The following FBXL17 variants were observed in gnomAD, a reference collection of about 807,000 sequenced individuals.
FBXL17 encodes the protein F-box/LRR-repeat protein 17.
In FBXL17, 22 loss-of-function variants were observed where a neutral mutation model predicts 66.2. That is an observed-to-expected ratio of 0.33 (90% CI 0.24 to 0.47). The LOEUF is 0.47. Among genes scored for constraint, FBXL17 ranks in the 20% least tolerant of loss-of-function variants. FBXL17 has a pLI of 1.00. For missense variants in FBXL17, 878 were observed against 948.2 expected (o/e 0.93, Z 0.97); for synonymous variants, 474 against 400.5 (o/e 1.18, Z -2.19).
intron 5 of FBXL17, among the ~76,000 whole-genome samples, chr5:108,189,320 ATGGGATGG>A (rs1753370549): frequency 7.3e-6 from 1 of 137,044 alleles, no homozygotes; most frequent in African/African-American, 2.6e-5. Context: ...ATGGGATGGG[ATGGGATGG>A]GATGGGATGG....
At chr5:108,328,722 G>C (rs941085904) in intron 4 of FBXL17, among the ~76,000 whole-genome samples, 3 of 151,882 alleles carry the variant, frequency 2.0e-5, no homozygotes, top group Middle Eastern at 3.4e-3. Flanking sequence ...ATGAGAACAA[G>C]GATTATTTGG....
At chr5:108,010,740 A>C (rs1173166257) in intron 7 of FBXL17, among the ~76,000 whole-genome samples, 1 of 152,222 alleles carries the variant, frequency 6.6e-6, no homozygotes, top group Non-Finnish European at 1.5e-5. Flanking sequence ...AGCTTCCACT[A>C]TCAAAAATAG....
chr5:108,289,186 TA>T (rs1758014780), intron 4 of FBXL17, among the ~76,000 whole-genome samples: 1 of 152,162 alleles, frequency 6.6e-6, no homozygotes, highest in Non-Finnish European at 1.5e-5. Flanking sequence ...TTAAATGATA[TA>T]ACACACACGA....
intron 7 of FBXL17, among the ~76,000 whole-genome samples, chr5:107,888,974 C>T (rs1318112525): frequency 6.6e-6 from 1 of 152,080 alleles, no homozygotes; most frequent in Non-Finnish European, 1.5e-5. Flanking sequence ...TGTAAGGTTC[C>T]AGTTTCCCTT....
At chr5:108,042,285 T>C (rs1580363130) in intron 6 of FBXL17, among the ~76,000 whole-genome samples, 1 of 152,278 alleles carries the variant, frequency 6.6e-6, no homozygotes, top group East Asian at 1.9e-4. Context: ...CCTTTCCCAG[T>C]TTCCACCATC....
chr5:108,154,642 CACACACAT>C (rs1297201614), intron 6 of FBXL17, among the ~76,000 whole-genome samples: 2 of 96,278 alleles, frequency 2.1e-5, no homozygotes, highest in South Asian at 5.1e-4. Flanking sequence ...CACACACACA[CACACACAT>C]ATATGTATAT....
At chr5:107,912,448 T>C (rs762741860) in intron 7 of FBXL17, among the ~76,000 whole-genome samples, 58 of 152,140 alleles carry the variant, frequency 3.8e-4, no homozygotes, top group East Asian at 5.8e-4. Context: ...AAATAAAACA[T>C]AGTATATTCA....
chr5:108,269,170 T>C (rs973914470), intron 4 of FBXL17, among the ~76,000 whole-genome samples: 6 of 152,136 alleles, frequency 3.9e-5, no homozygotes, highest in African/African-American at 1.2e-4. Flanking sequence ...CTCTTTCACA[T>C]AGGAATTCCA....
At chr5:108,262,057 T>C (rs1399310876) in intron 4 of FBXL17, among the ~76,000 whole-genome samples, 1 of 134,486 alleles carries the variant, frequency 7.4e-6, no homozygotes, top group African/African-American at 2.9e-5. Flanking sequence ...ATACATATTT[T>C]ATTTATTTAT....
At chr5:107,903,584 A>T (rs1320906338) in intron 7 of FBXL17, among the ~76,000 whole-genome samples, 1 of 152,192 alleles carries the variant, frequency 6.6e-6, no homozygotes, top group Non-Finnish European at 1.5e-5. Flanking sequence ...GGCAAAGCTA[A>T]GATTCACATT....
intron 7 of FBXL17, among the ~76,000 whole-genome samples, chr5:107,990,278 G>C (rs1486354989): frequency 6.6e-6 from 1 of 152,056 alleles, no homozygotes; most frequent in Non-Finnish European, 1.5e-5. Context: ...ATTTCAACAG[G>C]GTTACTAATT....
At chr5:108,259,626 G>T (rs1460436876) in intron 4 of FBXL17, among the ~76,000 whole-genome samples, 1 of 151,860 alleles carries the variant, frequency 6.6e-6, no homozygotes, top group East Asian at 1.9e-4. Context: ...AAAAAAATTC[G>T]AGAACTTCTA....
intron 6 of FBXL17, among the ~76,000 whole-genome samples, chr5:108,129,849 T>C (rs1444412517): frequency 6.6e-5 from 10 of 151,946 alleles, no homozygotes; most frequent in Admixed American, 6.6e-4. Flanking sequence ...TTACCATTTT[T>C]AAATAAGGTT....
chr5:108,362,265 T>G (rs545482114), intron 3 of FBXL17, among the ~76,000 whole-genome samples: 1 of 152,270 alleles, frequency 6.6e-6, no homozygotes, highest in East Asian at 1.9e-4. Flanking sequence ...AAGCCTACAG[T>G]GACTTATTTA....
chr5:108,279,513 A>G (rs1757618407), intron 4 of FBXL17, among the ~76,000 whole-genome samples: 1 of 151,972 alleles, frequency 6.6e-6, no homozygotes. Flanking sequence ...AAACAAAACC[A>G]AAGGGCCCTA....
At chr5:108,134,738 C>T in intron 6 of FBXL17, among the ~76,000 whole-genome samples, 1 of 152,118 alleles carries the variant, frequency 6.6e-6, no homozygotes, top group Non-Finnish European at 1.5e-5. Flanking sequence ...ATTGATGTAT[C>T]CGCTGGTTTC....
chr5:108,041,252 T>A (rs1314411270), intron 6 of FBXL17, among the ~76,000 whole-genome samples: 1 of 152,150 alleles, frequency 6.6e-6, no homozygotes, highest in Admixed American at 6.5e-5. Flanking sequence ...ATGAGAATGT[T>A]CCCCCTTCTA....
At chr5:107,883,197 G>A (rs1419616764) in intron 7 of FBXL17, among the ~76,000 whole-genome samples, 1 of 152,144 alleles carries the variant, frequency 6.6e-6, no homozygotes, top group East Asian at 1.9e-4. Flanking sequence ...ATTACTAACT[G>A]CAACCCTATT....
rs562237478 is a variant in FBXL17 at position 107,928,491 on chromosome 5, T to C, written c.1823-47312A>G. Among the ~76,000 whole-genome samples, 7 of 152,134 alleles carry C rather than the reference T, an allele frequency of 4.6e-5. No homozygotes were observed. The East Asian group carries it at 1.4e-3, about 29-fold the overall frequency. On this transcript the variant is annotated intron_variant, in intron 7 of 8. Coordinates refer to ENST00000542267, the MANE Select transcript of FBXL17 (RefSeq NM_001163315.3). ...CCTAGTTACTCTTTTTGAAAGAGGCTGTATTGTATTTTGAAATAATATTAC... is the reference window on the plus strand; with the variant it reads ...CCTAGTTACTCTTTTTGAAAGAGGCCGTATTGTATTTTGAAATAATATTAC...
Sources: gnomAD v4.1 joint callset for allele counts (sites outside exome capture counted in the v4.1 genomes callset) on GRCh38, gnomAD v4.1.1 for gene constraint, MANE v1.5 for transcripts, NCBI Gene and HGNC (gene_info 2026-07-23, HGNC 2026-07-21) for gene names.